The following UNC13C variants were observed in gnomAD, a reference collection of about 807,000 sequenced individuals.
The protein encoded by UNC13C is unc-13 homolog C, also known as protein unc-13 homolog C.
In UNC13C, 174 loss-of-function variants were observed where a neutral mutation model predicts 245.4. That is an observed-to-expected ratio of 0.71 (90% CI 0.63 to 0.80). UNC13C has a LOEUF of 0.80. UNC13C is among the 30% of genes least tolerant of loss of function. UNC13C has a pLI of 0.00. For synonymous variants in UNC13C, 992 were observed against 895.1 expected, an observed-to-expected ratio of 1.11 and a Z score of -1.93; for missense variants, 2,829 against 2,602.9, an observed-to-expected ratio of 1.09 and a Z score of -1.89.
chr15:54,310,830 C>A (rs2037853444), intron 13 of UNC13C, among the ~76,000 whole-genome samples: 1 of 151,580 alleles, frequency 6.6e-6, no homozygotes, highest in South Asian at 2.1e-4. Context: ...CTGACCATTT[C>A]TTCAAGGTTT....
At chr15:53,927,810 A>G in the UNC13C span, among the ~76,000 whole-genome samples, 3 of 152,210 alleles carry the variant, frequency 2.0e-5, no homozygotes, top group African/African-American at 7.2e-5. Context: ...TTCCTTTGGC[A>G]TAAACTGAGA....
At chr15:54,134,556 G>C (rs917593712) in intron 2 of UNC13C, among the ~76,000 whole-genome samples, 1 of 151,974 alleles carries the variant, frequency 6.6e-6, no homozygotes, top group East Asian at 1.9e-4. Flanking sequence ...CTGTCTCGCT[G>C]TCTCCCAGAC....
chr15:54,334,268 C>T (rs917647993), intron 16 of UNC13C, among the ~76,000 whole-genome samples: 3 of 152,108 alleles, frequency 2.0e-5, no homozygotes, highest in African/African-American at 7.2e-5. Flanking sequence ...TGGCAACTTC[C>T]ATTTTCAGCA....
intron 31 of UNC13C, 121 bp downstream of exon 31, chr15:54,622,540 A>C: frequency 2.8e-6 from 2 of 707,484 alleles, no homozygotes; most frequent in South Asian, 4.4e-5. Context: ...GGCATGCACA[A>C]AATTTCCTAA....
intron 18 of UNC13C, among the ~76,000 whole-genome samples, chr15:54,409,682 A>T (rs2040378559): frequency 6.6e-6 from 1 of 152,170 alleles, no homozygotes; most frequent in African/African-American, 2.4e-5. Flanking sequence ...CTCCAACTCC[A>T]TCCACGTTGC....
Position 54,595,402 on chromosome 15 carries a change from A to C in UNC13C, c.6107-26925A>C, listed in dbSNP as rs189975016. Among the ~76,000 whole-genome samples, 80 of 152,172 alleles carry C rather than the reference A, an allele frequency of 5.3e-4. No individual in the cohort carries two copies. The East Asian group carries it at 0.015, about 29-fold the overall frequency. On this transcript the variant is annotated intron_variant, in intron 30 of 32. Transcript: ENST00000260323. Reference sequence around the variant, plus strand: ...GAGGGTCTCCTTTTTCTACTCCCAAAGATGCAGCACTCAAAGTATTTGGGG... The same window carrying C: ...GAGGGTCTCCTTTTTCTACTCCCAACGATGCAGCACTCAAAGTATTTGGGG...
intron 2 of UNC13C, among the ~76,000 whole-genome samples, chr15:54,132,068 C>G (rs1468274851): frequency 1.6e-4 from 2 of 12,814 alleles, no homozygotes; most frequent in Non-Finnish European, 3.7e-4. Flanking sequence ...CAGTTTTTTT[C>G]TTTTTCTTTT....
intron 19 of UNC13C, among the ~76,000 whole-genome samples, chr15:54,463,276 G>T (rs1389802783): frequency 6.7e-5 from 5 of 74,576 alleles, no homozygotes; most frequent in Admixed American, 3.7e-4. Context: ...GGGGGGGGGG[G>T]GGGGGGCCGG....
the UNC13C span, among the ~76,000 whole-genome samples, chr15:53,935,071 A>G: frequency 6.6e-6 from 1 of 152,140 alleles, no homozygotes; most frequent in Non-Finnish European, 1.5e-5. Context: ...ATCAACCAGG[A>G]AGTTTAATTA....
At chr15:53,997,657 A>G (rs1187612198) in intron 1 of UNC13C, among the ~76,000 whole-genome samples, 1 of 152,128 alleles carries the variant, frequency 6.6e-6, no homozygotes, top group Non-Finnish European at 1.5e-5. Flanking sequence ...AATTAAAGTT[A>G]TCTATACACA....
chr15:53,960,774 A>G, the UNC13C span, among the ~76,000 whole-genome samples: 6 of 152,262 alleles, frequency 3.9e-5, no homozygotes, highest in South Asian at 6.2e-4. Flanking sequence ...ATCAAGTTAC[A>G]TGTGATAGAT....
chr15:54,425,057 C>A lies in UNC13C; in HGVS notation c.4933+9990C>A, dbSNP rs186256343. 5.6e-3 allele frequency among the ~76,000 whole-genome samples: 852 copies of A among 151,936 alleles called. 1 individual carries two copies. Among genetic ancestry groups the A allele is most frequent in the South Asian group, 0.023 (110 of 4,816 alleles). On this transcript the variant is annotated intron_variant, in intron 19 of 32. Transcript: ENST00000260323. ...ACAATGCCATGTGCTACAAGAAACTCCAGGCCTTTCTGGCCTACCAGGGAC... is the reference window on the plus strand; with the variant it reads ...ACAATGCCATGTGCTACAAGAAACTACAGGCCTTTCTGGCCTACCAGGGAC...
the UNC13C span, among the ~76,000 whole-genome samples, chr15:53,885,730 G>T: frequency 3.9e-5 from 6 of 152,094 alleles, no homozygotes; most frequent in Admixed American, 3.3e-4. Flanking sequence ...ACACCTTTCT[G>T]CCCCTACAAA....
intron 4 of UNC13C, among the ~76,000 whole-genome samples, chr15:54,172,316 C>T (rs747059193): frequency 4.1e-4 from 62 of 152,016 alleles, no homozygotes; most frequent in South Asian, 8.3e-4. Flanking sequence ...CCCATTGACT[C>T]TTATGTGATT....
chr15:54,222,305 A>G (rs1282386739), intron 4 of UNC13C, among the ~76,000 whole-genome samples: 2 of 152,022 alleles, frequency 1.3e-5, no homozygotes, highest in East Asian at 1.9e-4. Context: ...CATGAGTACA[A>G]TTGTTTTGAT....
At chr15:53,884,377 A>G in the UNC13C span, among the ~76,000 whole-genome samples, 1 of 152,214 alleles carries the variant, frequency 6.6e-6, no homozygotes, top group African/African-American at 2.4e-5. Context: ...CATCCAGGCT[A>G]GGATGAAGTG....
At chr15:54,413,120 C>A (rs2040447436) in intron 18 of UNC13C, among the ~76,000 whole-genome samples, 1 of 151,974 alleles carries the variant, frequency 6.6e-6, no homozygotes, top group Non-Finnish European at 1.5e-5. Flanking sequence ...TTGGGATAAA[C>A]CTCTCGATCA....
chr15:54,274,926 TC>T, intron 10 of UNC13C, among the ~76,000 whole-genome samples: 1 of 152,196 alleles, frequency 6.6e-6, no homozygotes, highest in South Asian at 2.1e-4. Flanking sequence ...TGCCTCGGCC[TC>T]CCAAAGTGCT....
the UNC13C span, among the ~76,000 whole-genome samples, chr15:53,938,437 C>T: frequency 6.6e-6 from 1 of 152,082 alleles, no homozygotes; most frequent in Non-Finnish European, 1.5e-5. Flanking sequence ...ACTGACAATA[C>T]TAGACAGATC....
Sources: allele counts gnomAD v4.1 joint callset (sites outside exome capture counted in the v4.1 genomes callset), GRCh38; gene constraint gnomAD v4.1.1; transcripts MANE v1.5; gene names NCBI Gene and HGNC (gene_info 2026-07-23, HGNC 2026-07-21).